PCDH15: variants seen among roughly 807,000 people sequenced by gnomAD.
PCDH15 encodes protocadherin-15.
In PCDH15, 129 loss-of-function variants were observed where a neutral mutation model predicts 178.5. The ratio of observed to expected loss-of-function variants is 0.72; its 90% CI spans 0.63 to 0.84. The LOEUF is 0.84. Ranked by LOEUF, PCDH15 falls within the 40% of genes least tolerant of loss-of-function variation. The pLI is 0.00. For missense variants in PCDH15, 2,230 were observed against 2,099.9 expected (o/e 1.06, Z -1.21); for synonymous variants, 800 against 732.0 (o/e 1.09, Z -1.50).
chr10:54,211,667 C>T (rs11004141), intron 10 of PCDH15, among the ~76,000 whole-genome samples: 26,272 of 151,858 alleles, frequency 0.17, 3,657 homozygotes, highest in East Asian at 0.82. Flanking sequence ...TATTTTTTCT[C>T]CGCTTTTGAA....
chr10:54,489,581 GTC>G (rs1171832079), intron 3 of PCDH15, among the ~76,000 whole-genome samples: 1 of 151,724 alleles, frequency 6.6e-6, no homozygotes, highest in African/African-American at 2.4e-5. Context: ...GGAGTGTAGA[GTC>G]TCTGAAATAC....
intron 1 of PCDH15, among the ~76,000 whole-genome samples, chr10:54,725,029 A>G (rs1291555861): frequency 2.6e-5 from 4 of 151,494 alleles, no homozygotes; most frequent in Admixed American, 1.3e-4. Context: ...ATACACATAT[A>G]TTTTAAAAGC....
intron 2 of PCDH15, among the ~76,000 whole-genome samples, chr10:55,017,881 C>T (rs1840222056): frequency 1.3e-5 from 2 of 152,014 alleles, no homozygotes; most frequent in South Asian, 4.1e-4. Context: ...GAAAAGTGTT[C>T]CCACAATTAT....
At chr10:55,453,752 C>A (rs539190725) in intron 2 of PCDH15, among the ~76,000 whole-genome samples, 3 of 152,180 alleles carry the variant, frequency 2.0e-5, no homozygotes, top group Admixed American at 1.3e-4. Context: ...TCCAAGCCAA[C>A]CTTCATGCTC....
chr10:54,135,619 C>A (rs1410703607), intron 14 of PCDH15, among the ~76,000 whole-genome samples: 1 of 152,132 alleles, frequency 6.6e-6, no homozygotes, highest in Non-Finnish European at 1.5e-5. Flanking sequence ...AAGATCTTGG[C>A]TTCTTTTAGG....
intron 2 of PCDH15, among the ~76,000 whole-genome samples, chr10:55,536,648 G>T (rs2132069707): frequency 6.6e-6 from 1 of 152,142 alleles, no homozygotes; most frequent in East Asian, 1.9e-4. Context: ...AATGCTGAAG[G>T]AATATAAAAT....
At chr10:54,383,597 G>A (rs1949510135) in intron 3 of PCDH15, among the ~76,000 whole-genome samples, 1 of 147,512 alleles carries the variant, frequency 6.8e-6, no homozygotes, top group African/African-American at 2.5e-5. Context: ...AAAATTAAAA[G>A]TACAAGCATA....
intron 1 of PCDH15, among the ~76,000 whole-genome samples, chr10:54,800,329 A>G (rs1047963442): frequency 3.9e-5 from 6 of 152,200 alleles, no homozygotes; most frequent in African/African-American, 1.4e-4. Context: ...ACCTAGATTC[A>G]AATTCTAAAT....
At chr10:55,236,324 T>G (rs1841385855) in intron 1 of PCDH15, among the ~76,000 whole-genome samples, 1 of 152,018 alleles carries the variant, frequency 6.6e-6, no homozygotes, top group Admixed American at 6.6e-5. Flanking sequence ...GAAGGAACAT[T>G]AGAATAATGT....
At chr10:54,190,190 A>G (rs1294618501) in intron 11 of PCDH15, among the ~76,000 whole-genome samples, 1 of 152,136 alleles carries the variant, frequency 6.6e-6, no homozygotes, top group Admixed American at 6.5e-5. Flanking sequence ...AAATGGATCC[A>G]AACTTGTCCC....
At chr10:54,062,221 C>T (rs1396471673) in intron 18 of PCDH15, among the ~76,000 whole-genome samples, 2 of 57,496 alleles carry the variant, frequency 3.5e-5, no homozygotes, top group Non-Finnish European at 6.4e-5. Context: ...GAGTGAGATT[C>T]TGTCTCAAAA....
chr10:54,160,394 T>A (rs1173493930), intron 13 of PCDH15, among the ~76,000 whole-genome samples: 1 of 152,130 alleles, frequency 6.6e-6, no homozygotes, highest in Admixed American at 6.6e-5. Context: ...CTGAGAGATT[T>A]ACCTCACAGC....
At chr10:54,800,379 C>A (rs1022841638) in intron 1 of PCDH15, among the ~76,000 whole-genome samples, 1 of 152,090 alleles carries the variant, frequency 6.6e-6, no homozygotes, top group Non-Finnish European at 1.5e-5. Flanking sequence ...AGTAAATATT[C>A]TAATAAACTA....
intron 2 of PCDH15, among the ~76,000 whole-genome samples, chr10:55,413,942 T>A (rs1418482939): frequency 1.3e-5 from 2 of 151,616 alleles, no homozygotes; most frequent in Non-Finnish European, 3.0e-5. Context: ...TGTCTTTGTG[T>A]GTGCATTTGT....
intron 2 of PCDH15, among the ~76,000 whole-genome samples, chr10:55,351,553 T>C (rs896843142): frequency 6.6e-6 from 1 of 152,104 alleles, no homozygotes; most frequent in African/African-American, 2.4e-5. Context: ...TAAAATTAAG[T>C]CTTTATAATC....
intron 2 of PCDH15, among the ~76,000 whole-genome samples, chr10:55,026,657 A>G (rs998119558): frequency 1.3e-5 from 2 of 151,984 alleles, no homozygotes; most frequent in Non-Finnish European, 2.9e-5. Context: ...GATAGAAGTT[A>G]CATCACTTAG....
chr10:55,595,547 A>G (rs1428989601), intron 2 of PCDH15, among the ~76,000 whole-genome samples: 4 of 152,076 alleles, frequency 2.6e-5, no homozygotes, highest in Non-Finnish European at 4.4e-5. Flanking sequence ...ATTTTTAAAA[A>G]CTATGGAGGA....
At chr10:55,287,432 A>C (rs1842899917) in intron 1 of PCDH15, among the ~76,000 whole-genome samples, 1 of 152,104 alleles carries the variant, frequency 6.6e-6, no homozygotes, top group African/African-American at 2.4e-5. Flanking sequence ...ACTGTCAATT[A>C]GTGATTTGAA....
chr10:55,452,519 A>G (rs919494797), intron 2 of PCDH15, among the ~76,000 whole-genome samples: 4 of 152,180 alleles, frequency 2.6e-5, no homozygotes, highest in African/African-American at 4.8e-5. Flanking sequence ...TAAGCCCACA[A>G]TAGAAATAGT....
Sources: allele counts gnomAD v4.1 joint callset (sites outside exome capture counted in the v4.1 genomes callset), GRCh38; gene constraint gnomAD v4.1.1; transcripts MANE v1.5; gene names NCBI Gene and HGNC (gene_info 2026-07-23, HGNC 2026-07-21).